ADGRB3: variants seen among roughly 807,000 people sequenced by gnomAD.
ADGRB3 encodes the protein adhesion G protein-coupled receptor B3, also known as brain-specific angiogenesis inhibitor 3.
A neutral mutation model predicts 193.4 loss-of-function variants in ADGRB3; 37 were observed. The ratio of observed to expected loss-of-function variants is 0.19; its 90% CI spans 0.15 to 0.25. ADGRB3 has a LOEUF of 0.25. Ranked by LOEUF, ADGRB3 falls within the 10% of genes least tolerant of loss-of-function variation. The probability of loss-of-function intolerance (pLI) is 1.00; values close to 1 mark genes in which losing one functional copy is unlikely to be tolerated. For synonymous variants in ADGRB3, 690 were observed against 644.2 expected (o/e 1.07, Z -1.08); for missense variants, 1,637 against 1,852.9 (o/e 0.88, Z 2.14).
At chr6:69,029,795 A>G (rs1770572504) in intron 13 of ADGRB3, among the ~76,000 whole-genome samples, 1 of 152,130 alleles carries the variant, frequency 6.6e-6, no homozygotes. Flanking sequence ...AAGATTTCCT[A>G]TAATAATACA....
intron 15 of ADGRB3, among the ~76,000 whole-genome samples, chr6:69,058,845 G>C (rs1330687622): frequency 6.6e-6 from 1 of 151,924 alleles, no homozygotes; most frequent in Admixed American, 6.6e-5. Context: ...ATTTGTTAAG[G>C]TTTGTTTTGT....
At chr6:69,321,410 T>G (rs1041364518) in intron 20 of ADGRB3, among the ~76,000 whole-genome samples, 3 of 151,722 alleles carry the variant, frequency 2.0e-5, no homozygotes, top group African/African-American at 7.3e-5. Flanking sequence ...TTTGGAAAGG[T>G]GAACTGTGAG....
chr6:68,957,418 T>G (rs1346692020), intron 8 of ADGRB3, among the ~76,000 whole-genome samples: 3 of 152,198 alleles, frequency 2.0e-5, no homozygotes, highest in Admixed American at 6.5e-5. Flanking sequence ...AAAATATTAT[T>G]GACACACTGA....
At position 68,829,383 on chromosome 6, in the gene ADGRB3, T is replaced by G. The variant is rs34514615; in HGVS notation, c.758-101176T>G. Among the ~76,000 whole-genome samples the G allele has an allele frequency of 1.5e-3, 231 of 152,194 alleles. 1 individual carries two copies. Among genetic ancestry groups the G allele is most frequent in the Non-Finnish European group, 2.6e-3 (176 of 68,022 alleles). On this transcript the variant is annotated intron_variant, in intron 3 of 31. Transcript: ENST00000370598. ...TCCCACAGTGTTGGGAATACAAGCATGAGCCACCGCACCCAGGCATGTTTA... is the reference window on the plus strand; with the variant it reads ...TCCCACAGTGTTGGGAATACAAGCAGGAGCCACCGCACCCAGGCATGTTTA...
At chr6:69,347,040 G>T (rs530492047) in intron 26 of ADGRB3, among the ~76,000 whole-genome samples, 1 of 152,202 alleles carries the variant, frequency 6.6e-6, no homozygotes, top group Non-Finnish European at 1.5e-5. Flanking sequence ...AAAAAGGATG[G>T]TTTCATTTCC....
At position 68,785,323 on chromosome 6, in the gene ADGRB3, C is replaced by A. The variant is rs1186669805; in HGVS notation, c.758-145236C>A. On this transcript the variant is annotated intron_variant, in intron 3 of 31. Transcript: ENST00000370598. ...CCTCCCCCCTCCCCCCACCCCACAA[C>A]AGTCCCTGGTGTGTGATGTTCCCCT... Among the ~76,000 whole-genome samples, 4 of 116,888 alleles carry A rather than the reference C, an allele frequency of 3.4e-5. No homozygotes were observed. In the Admixed American group the frequency reaches 4.3e-4, roughly 13 times the overall value. The allele number at this position is 116,888 out of a possible 152,430, so 76.7% of individuals were successfully genotyped here.
At chr6:69,211,671 ATCT>A (rs996160718) in intron 17 of ADGRB3, among the ~76,000 whole-genome samples, 6 of 152,110 alleles carry the variant, frequency 3.9e-5, no homozygotes, top group South Asian at 2.1e-4. Context: ...TTATATTATC[ATCT>A]TCTTCTCACT....
At chr6:69,298,293 C>T (rs1053613761) in intron 20 of ADGRB3, among the ~76,000 whole-genome samples, 9 of 151,386 alleles carry the variant, frequency 5.9e-5, no homozygotes, top group Non-Finnish European at 1.3e-4. Flanking sequence ...AGACTCAGGC[C>T]CTCCCACAGA....
chr6:69,290,355 T>A (rs1395264008), intron 20 of ADGRB3, among the ~76,000 whole-genome samples: 9 of 151,908 alleles, frequency 5.9e-5, no homozygotes, highest in African/African-American at 2.2e-4. Context: ...GTTGCTGCAG[T>A]GGTAGATCTA....
At chr6:68,968,253 T>G (rs1768442712) in intron 8 of ADGRB3, among the ~76,000 whole-genome samples, 2 of 152,154 alleles carry the variant, frequency 1.3e-5, no homozygotes, top group African/African-American at 4.8e-5. Context: ...TGCCATCTAG[T>G]GGCTAAGGTT....
At chr6:68,852,605 T>G (rs998083437) in intron 3 of ADGRB3, among the ~76,000 whole-genome samples, 3 of 151,958 alleles carry the variant, frequency 2.0e-5, no homozygotes, top group African/African-American at 7.2e-5. Context: ...TTTTGATATT[T>G]AAAAAAAGCT....
chr6:68,797,131 C>G (rs866002800), intron 3 of ADGRB3, among the ~76,000 whole-genome samples: 3 of 152,050 alleles, frequency 2.0e-5, no homozygotes, highest in East Asian at 1.9e-4. Context: ...TGTTTTTCAT[C>G]CCTGTATTCA....
intron 16 of ADGRB3, among the ~76,000 whole-genome samples, chr6:69,073,296 G>A (rs964875899): frequency 6.6e-6 from 1 of 152,126 alleles, no homozygotes; most frequent in African/African-American, 2.4e-5. Context: ...GGTAAGAAGT[G>A]CCCGGCAGGA....
intron 3 of ADGRB3, among the ~76,000 whole-genome samples, chr6:68,831,698 T>C (rs182437162): frequency 2.0e-5 from 3 of 152,166 alleles, no homozygotes; most frequent in South Asian, 2.1e-4. Context: ...GAAGTCAACG[T>C]GGAAATAGTT....
intron 17 of ADGRB3, among the ~76,000 whole-genome samples, chr6:69,221,704 ACTT>A (rs1350858924): frequency 6.6e-6 from 1 of 152,138 alleles, no homozygotes; most frequent in Non-Finnish European, 1.5e-5. Flanking sequence ...TTTTAACTAT[ACTT>A]CTCAGGGCAC....
intron 3 of ADGRB3, among the ~76,000 whole-genome samples, chr6:68,661,546 T>TATATAC (rs1420976076): frequency 3.8e-5 from 1 of 26,048 alleles, no homozygotes; most frequent in Non-Finnish European, 7.9e-5. Flanking sequence ...TACATATATA[T>TATATAC]ATATATATAT....
intron 11 of ADGRB3, among the ~76,000 whole-genome samples, chr6:69,007,604 G>C (rs1439966653): frequency 6.6e-6 from 1 of 150,452 alleles, no homozygotes; most frequent in African/African-American, 2.5e-5. Context: ...TATTATTCTG[G>C]TCTCAGTTCA....
At chr6:68,905,429 G>C (rs530470173) in intron 3 of ADGRB3, among the ~76,000 whole-genome samples, 1 of 151,926 alleles carries the variant, frequency 6.6e-6, no homozygotes, top group East Asian at 1.9e-4. Flanking sequence ...TCTATCCATC[G>C]GGATTGAGAA....
intron 3 of ADGRB3, among the ~76,000 whole-genome samples, chr6:68,893,299 A>G (rs1338430576): frequency 1.3e-5 from 2 of 152,062 alleles, no homozygotes; most frequent in African/African-American, 4.8e-5. Flanking sequence ...TCATTACCTA[A>G]GTAAGCAGAA....
Sources: allele counts gnomAD v4.1 joint callset (sites outside exome capture counted in the v4.1 genomes callset), GRCh38; gene constraint gnomAD v4.1.1; transcripts MANE v1.5; gene names NCBI Gene and HGNC (gene_info 2026-07-23, HGNC 2026-07-21).